Variants in ADK observed in about 807,000 individuals in gnomAD.
ADK encodes the protein adenosine kinase, also known as N6,N6-dimethyladenosine kinase.
ADK carries 24 observed loss-of-function variants against 44.7 expected under a neutral mutation model. That is an observed-to-expected ratio of 0.54 (90% CI 0.39 to 0.76). The LOEUF is 0.76. Among genes scored for constraint, ADK ranks in the 30% least tolerant of loss-of-function variants. The pLI, the probability that ADK is intolerant of heterozygous loss-of-function variation, is 0.00. For synonymous variants in ADK, 128 were observed against 142.6 expected, an observed-to-expected ratio of 0.90 and a Z score of 0.73; for missense variants, 321 against 425.1, an observed-to-expected ratio of 0.76 and a Z score of 2.15.
intron 7 of ADK, among the ~76,000 whole-genome samples, chr10:74,587,894 A>G (rs1378742682): frequency 6.6e-6 from 1 of 152,168 alleles, no homozygotes; most frequent in African/African-American, 2.4e-5. Flanking sequence ...GTAACCTGTT[A>G]TAAGAGCCTT....
intron 6 of ADK, among the ~76,000 whole-genome samples, chr10:74,450,151 T>TAAAATTTTAATTAAAATTTAATTAAATTA (rs1845723452): frequency 6.6e-6 from 1 of 151,832 alleles, no homozygotes; most frequent in South Asian, 2.1e-4. Flanking sequence ...CACAAAAAAT[T>TAAAATTTTAATTAAAATTTAATTAAATTA]AAAAAAATAA....
chr10:74,225,016 A>G (rs1164340499), intron 3 of ADK, among the ~76,000 whole-genome samples: 1 of 152,238 alleles, frequency 6.6e-6, no homozygotes, highest in Non-Finnish European at 1.5e-5. Context: ...AGACAAATAT[A>G]ATTTTGTTTC....
At chr10:74,340,289 A>G (rs115167494) in intron 4 of ADK, among the ~76,000 whole-genome samples, 2,955 of 152,228 alleles carry the variant, frequency 0.019, 75 homozygotes, top group African/African-American at 0.058. Flanking sequence ...TTATTGTTTC[A>G]TTGTGTGTCT....
intron 6 of ADK, among the ~76,000 whole-genome samples, chr10:74,411,875 T>C (rs1844189635): frequency 6.6e-6 from 1 of 152,246 alleles, no homozygotes; most frequent in Non-Finnish European, 1.5e-5. Flanking sequence ...ATTCTGAATT[T>C]TTCGTTGTCA....
At chr10:74,312,293 AGT>A (rs1554841488) in intron 3 of ADK, among the ~76,000 whole-genome samples, 16 of 150,904 alleles carry the variant, frequency 1.1e-4, no homozygotes, top group African/African-American at 3.4e-4. Flanking sequence ...TTGTAGATAG[AGT>A]GTGTGTGTGT....
chr10:74,353,052 T>A (rs1006597396), intron 4 of ADK, among the ~76,000 whole-genome samples: 1 of 152,130 alleles, frequency 6.6e-6, no homozygotes, highest in Non-Finnish European at 1.5e-5. Context: ...GACCGAGCAA[T>A]CCCATTACTG....
intron 6 of ADK, among the ~76,000 whole-genome samples, chr10:74,517,892 G>A (rs890833336): frequency 3.9e-5 from 6 of 151,950 alleles, no homozygotes; most frequent in African/African-American, 1.2e-4. Flanking sequence ...TGTTGCTGTC[G>A]TTTGTGTGAA....
chr10:74,227,991 C>CAAA (rs1844610292), intron 3 of ADK, among the ~76,000 whole-genome samples: 1 of 152,044 alleles, frequency 6.6e-6, no homozygotes. Flanking sequence ...GACTGGACAG[C>CAAA]AGAGTGAGAC....
At chr10:74,280,493 A>G (rs1846895426) in intron 3 of ADK, among the ~76,000 whole-genome samples, 1 of 150,706 alleles carries the variant, frequency 6.6e-6, no homozygotes, top group Admixed American at 6.6e-5. Context: ...CTGGTGTCTA[A>G]CTTCTGGCCT....
At chr10:74,302,894 A>G (rs1697324386) in intron 3 of ADK, among the ~76,000 whole-genome samples, 1 of 152,206 alleles carries the variant, frequency 6.6e-6, no homozygotes, top group African/African-American at 2.4e-5. Context: ...CAAATTCATA[A>G]GCATGGCAGG....
intron 6 of ADK, among the ~76,000 whole-genome samples, chr10:74,407,730 C>A (rs748017270): frequency 1.3e-5 from 2 of 152,176 alleles, no homozygotes; most frequent in Non-Finnish European, 2.9e-5. Flanking sequence ...TTCTTCCTTC[C>A]CGCTCTGCAG....
chr10:74,160,830 C>T (rs779135146), intron 1 of ADK, among the ~76,000 whole-genome samples: 4 of 151,802 alleles, frequency 2.6e-5, no homozygotes, highest in Non-Finnish European at 2.9e-5. Flanking sequence ...TCAACAACTC[C>T]GACAGGACCT....
At chr10:74,690,021 C>A (rs997310331) in intron 10 of ADK, among the ~76,000 whole-genome samples, 3 of 152,084 alleles carry the variant, frequency 2.0e-5, no homozygotes, top group Non-Finnish European at 4.4e-5. Flanking sequence ...TCAGGGAACA[C>A]GCTTTGTGAA....
At chr10:74,549,183 A>G (rs1849942825) in intron 7 of ADK, among the ~76,000 whole-genome samples, 1 of 152,192 alleles carries the variant, frequency 6.6e-6, no homozygotes, top group Non-Finnish European at 1.5e-5. Flanking sequence ...GAGTACTGTA[A>G]GGGAAAAGTA....
At chr10:74,493,817 A>G (rs924703240) in intron 6 of ADK, among the ~76,000 whole-genome samples, 19 of 152,164 alleles carry the variant, frequency 1.2e-4, no homozygotes, top group Non-Finnish European at 2.4e-4. Context: ...TGTACCTACC[A>G]TGAATGTTTT....
intron 3 of ADK, among the ~76,000 whole-genome samples, chr10:74,260,350 G>A (rs984679087): frequency 1.8e-4 from 27 of 152,298 alleles, no homozygotes; most frequent in African/African-American, 5.8e-4. Context: ...GCTCACTGAA[G>A]CCTTGAACTC....
chr10:74,316,760 C>A (rs1840635057), intron 4 of ADK, among the ~76,000 whole-genome samples: 1 of 152,128 alleles, frequency 6.6e-6, no homozygotes, highest in Admixed American at 6.5e-5. Flanking sequence ...TAAATTGTCT[C>A]CTTTCTTGGG....
Position 74,395,840 on chromosome 10 carries a change from G to A in ADK, c.446+1527G>A, listed in dbSNP as rs574536020. Among the ~76,000 whole-genome samples, 264 of 152,190 alleles carry A rather than the reference G, an allele frequency of 1.7e-3. 1 individual carries two copies. The highest frequency in any genetic ancestry group is 6.1e-3 in the African/African-American group (252 of 41,536). ...TCGAGACCAGCCTGGCCAACATGGT[G>A]AAACTCCGTCTCTACTAAAAATGTA... On this transcript the variant is annotated intron_variant, in intron 5 of 10. Coordinates refer to ENST00000539909, the MANE Select transcript of ADK (RefSeq NM_006721.4).
Position 74,402,792 on chromosome 10 carries a change from C to T in ADK, c.555+4213C>T, listed in dbSNP as rs149619100. ...CCATCCAGCTGTGTTCTATTGCTGG[C>T]GAGGAGCTGTGTTCCTTTGGAGGAG... On this transcript the variant is annotated intron_variant, in intron 6 of 10. Transcript: ENST00000539909. 3.6e-3 allele frequency among the ~76,000 whole-genome samples: 545 copies of T among 152,294 alleles called. 3 individuals are homozygous for T. Among genetic ancestry groups the T allele is most frequent in the African/African-American group, 0.012 (478 of 41,556 alleles).
Sources: gnomAD v4.1 joint callset for allele counts (sites outside exome capture counted in the v4.1 genomes callset) on GRCh38, gnomAD v4.1.1 for gene constraint, MANE v1.5 for transcripts, NCBI Gene and HGNC (gene_info 2026-07-23, HGNC 2026-07-21) for gene names.